The following DMXL2 variants were observed in gnomAD, a reference collection of about 807,000 sequenced individuals.
DMXL2 encodes the protein Dmx like 2.
Under a neutral mutation model 331.1 loss-of-function variants are expected in DMXL2, and 103 were observed. The observed-to-expected ratio is 0.31, with a 90% CI of 0.27 to 0.37. The LOEUF (loss-of-function observed/expected upper bound fraction) is 0.37, where lower values mean the gene tolerates loss of function less well. Among genes scored for constraint, DMXL2 ranks in the 10% least tolerant of loss-of-function variants. The pLI is 1.00. For synonymous variants in DMXL2, 1,281 were observed against 1,252.1 expected, an observed-to-expected ratio of 1.02 and a Z score of -0.49; for missense variants, 3,171 against 3,642.9, an observed-to-expected ratio of 0.87 and a Z score of 3.33.
rs548311682 is a variant in DMXL2, at chr15:51,451,630, T to C, written c.8749+15A>G. The C allele has an allele frequency of 1.1e-4, 176 of 1,601,960 alleles. No homozygotes were observed. The highest frequency in any genetic ancestry group is 1.4e-4 in the Non-Finnish European group (169 of 1,171,552). On this transcript the variant is annotated intron_variant, in intron 42 of 43. Coordinates refer to ENST00000560891, the MANE Select transcript of DMXL2 (RefSeq NM_001378457.1). ...CTTCATGGTATATTTTTAAAAATCA[T>C]AGACCTTAACTCACCATGAATGAGG...
At chr15:51,480,273 A>G in intron 24 of DMXL2, 134 bp from the exon 25 acceptor site, 1 of 935,722 alleles carries the variant, frequency 1.1e-6, no homozygotes, top group Non-Finnish European at 1.6e-6. Flanking sequence ...TTTATTGAGC[A>G]CCCAGTATGT....
chr15:51,454,470 G>C (rs1004561657), intron 40 of DMXL2, among the ~76,000 whole-genome samples: 1 of 152,088 alleles, frequency 6.6e-6, no homozygotes, highest in African/African-American at 2.4e-5. Context: ...CACAATTCTG[G>C]AACAAATTGG....
chr15:51,608,340 G>A (rs2053731164), intron 1 of DMXL2, among the ~76,000 whole-genome samples: 1 of 152,112 alleles, frequency 6.6e-6, no homozygotes, highest in Non-Finnish European at 1.5e-5. Context: ...GCAAAGACAG[G>A]GAATCAACCT....
chr15:51,458,447 A>G (rs2039840455), intron 36 of DMXL2, 59 bp downstream of exon 36: 16 of 1,555,274 alleles, frequency 1.0e-5, no homozygotes, highest in Non-Finnish European at 1.4e-5. Context: ...TCATGTGCAT[A>G]ACCATTTGGT....
chr15:51,579,690 C>T (rs544505455), intron 1 of DMXL2, among the ~76,000 whole-genome samples: 60 of 152,222 alleles, frequency 3.9e-4, no homozygotes, highest in African/African-American at 1.4e-3. Flanking sequence ...ACTGACACTG[C>T]CTTGTTGCTA....
rs533282277 is a variant in DMXL2, at chr15:51,448,886, C to A, written c.*98G>T. On this transcript the variant is annotated 3_prime_UTR_variant, in exon 44 of 44. Transcript: ENST00000560891. Reference sequence around the variant, plus strand: ...CATATTCAAATTCTACACAGAGATTCTCTGTTTTCAATACAACTGCTTAGA... The same window carrying A: ...CATATTCAAATTCTACACAGAGATTATCTGTTTTCAATACAACTGCTTAGA... 1.6e-6 allele frequency: 2 copies of A among 1,216,180 alleles called. No homozygotes were observed. Among genetic ancestry groups the A allele is most frequent in the East Asian group, 2.5e-5 (1 of 39,300 alleles). The allele number at this position is 1,216,180 out of a possible 1,614,324, so 75.3% of individuals were successfully genotyped here. A position where few individuals can be genotyped will look rare whatever the true frequency, so the allele number is the denominator to read the frequency against.
At chr15:51,464,590 TTAAAG>T (rs1290305808) in intron 32 of DMXL2, 80 bp downstream of exon 32, 4 of 1,118,514 alleles carry the variant, frequency 3.6e-6, no homozygotes, top group Non-Finnish European at 5.2e-6. Flanking sequence ...TATGAATGTT[TTAAAG>T]TATATTGGCA....
At chr15:51,588,404 C>A (rs1276793904) in intron 1 of DMXL2, among the ~76,000 whole-genome samples, 1 of 152,074 alleles carries the variant, frequency 6.6e-6, no homozygotes, top group Non-Finnish European at 1.5e-5. Context: ...AGTGATCTGG[C>A]CAGGAGCGCT....
chr15:51,526,700 A>C (rs1236869648), intron 13 of DMXL2, among the ~76,000 whole-genome samples: 3 of 152,214 alleles, frequency 2.0e-5, no homozygotes, highest in African/African-American at 7.2e-5. Context: ...TTTAACAAGA[A>C]ATTTAAATAA....
rs138901067 is a variant in DMXL2, at chr15:51,476,623, G to A, written c.6930C>T (p.His2310=). 8.6e-5 allele frequency: 139 copies of A among 1,611,128 alleles called. No individual in the cohort carries two copies. The African/African-American group carries it at 1.1e-3, about 13-fold the overall frequency. Residue 2310 remains histidine, a synonymous_variant, in exon 27 of 44, where the codon CAC becomes CAT. Transcript: ENST00000560891. ...RRLRTESIEE[H]ATPNSSPAQW... Reference sequence around the variant, plus strand: ...GAGCAGGAGATGAATTTGGTGTTGCGTGTTCTTCAATGCTTTCTGTCCTTA... The same window carrying A: ...GAGCAGGAGATGAATTTGGTGTTGCATGTTCTTCAATGCTTTCTGTCCTTA...
At chr15:51,572,959 T>G (rs1315754754) in intron 2 of DMXL2, among the ~76,000 whole-genome samples, 2 of 152,062 alleles carry the variant, frequency 1.3e-5, no homozygotes, top group Non-Finnish European at 2.9e-5. Flanking sequence ...GAGAAAGAAA[T>G]AAAGGGTATT....
At chr15:51,583,074 T>C (rs2051556002) in intron 1 of DMXL2, among the ~76,000 whole-genome samples, 1 of 151,278 alleles carries the variant, frequency 6.6e-6, no homozygotes, top group Admixed American at 6.6e-5. Flanking sequence ...AAGAACTTTC[T>C]ACATCAGCAC....
chr15:51,458,576 C>T lies in DMXL2; in HGVS notation c.8128G>A (p.Asp2710Asn). The change falls in exon 36 of 44, where the codon GAT (aspartate) becomes AAT (asparagine). Residue 2710 changes from aspartate (D) to asparagine (N), a missense_variant. Coordinates refer to ENST00000560891, the MANE Select transcript of DMXL2 (RefSeq NM_001378457.1). ...LASTHDVQEL[D>N]VTSLLACQSY... ...TGACAGGCCAGTAGAGAAGTAACAT[C>T]AAGTTCTTGAACATCATGTGTTGAA... 1.2e-6 allele frequency: 2 copies of T among 1,613,898 alleles called. No individual in the cohort carries two copies. The highest frequency in any genetic ancestry group is 1.7e-6 in the Non-Finnish European group (2 of 1,179,848).
chr15:51,534,129 G>T (rs2048155582), intron 13 of DMXL2, among the ~76,000 whole-genome samples: 1 of 152,164 alleles, frequency 6.6e-6, no homozygotes. Flanking sequence ...AGCTCATGAT[G>T]AGTCAATTAC....
chr15:51,463,364 T>C lies in DMXL2; in HGVS notation c.7926+15A>G. The C allele has an allele frequency of 7.2e-7, 1 of 1,396,312 alleles. No homozygotes were observed. The highest frequency in any genetic ancestry group is 1.0e-6 in the Non-Finnish European group (1 of 1,000,046). 86.5% of individuals were successfully genotyped at this position (1,396,312 alleles called of 1,614,324 possible). ...TAAAGAAAAATTACAATAGAAAATA[T>C]TTTTCTCAAAATACCTCACTCTGCT... On this transcript the variant is annotated intron_variant, in intron 33 of 43. Transcript: ENST00000560891.
chr15:51,494,421 T>A (rs1298127901), intron 19 of DMXL2, among the ~76,000 whole-genome samples: 1 of 152,188 alleles, frequency 6.6e-6, no homozygotes, highest in Non-Finnish European at 1.5e-5. Context: ...TGGACTGGGA[T>A]TCGCACTCCC....
intron 1 of DMXL2, among the ~76,000 whole-genome samples, chr15:51,610,836 C>T (rs1486967107): frequency 6.6e-6 from 1 of 151,610 alleles, no homozygotes; most frequent in African/African-American, 2.4e-5. Flanking sequence ...ACTAGAAGTA[C>T]ATACCGCATG....
intron 2 of DMXL2, among the ~76,000 whole-genome samples, chr15:51,569,718 G>C (rs1263895232): frequency 6.6e-6 from 1 of 152,182 alleles, no homozygotes; most frequent in Non-Finnish European, 1.5e-5. Context: ...GCAAACTCTA[G>C]CAGACCTGCA....
chr15:51,553,367 G>T (rs1453744853), intron 6 of DMXL2, among the ~76,000 whole-genome samples: 1 of 152,050 alleles, frequency 6.6e-6, no homozygotes, highest in South Asian at 2.1e-4. Context: ...TCAATTTTAC[G>T]TATATAAAGT....
Sources: allele counts gnomAD v4.1 joint callset (sites outside exome capture counted in the v4.1 genomes callset), GRCh38; gene constraint gnomAD v4.1.1; transcripts MANE v1.5; gene names NCBI Gene and HGNC (gene_info 2026-07-23, HGNC 2026-07-21).